NLGN1: variants seen among roughly 807,000 people sequenced by gnomAD.
NLGN1 encodes neuroligin-1.
Under a neutral mutation model 65.5 loss-of-function variants are expected in NLGN1, and 12 were observed. The observed-to-expected ratio is 0.18, with a 90% CI of 0.12 to 0.30. The LOEUF (loss-of-function observed/expected upper bound fraction) is 0.30, where lower values mean the gene tolerates loss of function less well. NLGN1 is among the 10% of genes least tolerant of loss of function. The pLI, the probability that NLGN1 is intolerant of heterozygous loss-of-function variation, is 1.00. For missense variants in NLGN1, 750 were observed against 1,007.1 expected (o/e 0.74, Z 3.46); for synonymous variants, 350 against 359.5 (o/e 0.97, Z 0.30).
At chr3:173,822,346 G>A (rs927560318) in intron 4 of NLGN1, among the ~76,000 whole-genome samples, 3 of 152,098 alleles carry the variant, frequency 2.0e-5, no homozygotes, top group South Asian at 4.1e-4. Flanking sequence ...AGACCCAGCA[G>A]GGGTGATTAA....
intron 4 of NLGN1, among the ~76,000 whole-genome samples, chr3:174,196,092 T>C (rs933987391): frequency 6.6e-6 from 1 of 152,196 alleles, no homozygotes. Context: ...AGACAGAATC[T>C]GGCACACTTT....
chr3:173,408,169 C>T (rs1711672649), intron 1 of NLGN1, among the ~76,000 whole-genome samples: 1 of 152,090 alleles, frequency 6.6e-6, no homozygotes, highest in Admixed American at 6.5e-5. Context: ...AGCACTCTTT[C>T]CATAAGAAAT....
At chr3:173,456,373 G>A (rs560458901) in intron 2 of NLGN1, among the ~76,000 whole-genome samples, 16 of 152,196 alleles carry the variant, frequency 1.1e-4, no homozygotes, top group Non-Finnish European at 2.2e-4. Context: ...TGAGAACATG[G>A]ACTGAGGCTC....
At chr3:173,959,525 A>G (rs561024570) in intron 4 of NLGN1, among the ~76,000 whole-genome samples, 2 of 152,332 alleles carry the variant, frequency 1.3e-5, no homozygotes, top group East Asian at 1.9e-4. Flanking sequence ...TTACTTATCA[A>G]GAGAACCATA....
intron 3 of NLGN1, among the ~76,000 whole-genome samples, chr3:173,778,891 AACTT>A (rs1780712221): frequency 2.0e-5 from 3 of 151,768 alleles, no homozygotes; most frequent in Admixed American, 6.5e-5. Context: ...TCATTTAACT[AACTT>A]ACAGTGGTAA....
rs537415278 is a variant in NLGN1, at chr3:174,234,806, G to C, written c.647-40509G>C. On this transcript the variant is annotated intron_variant, in intron 4 of 6. Coordinates refer to ENST00000457714, the Ensembl canonical transcript of NLGN1. ...TAGTCATTCCACACTAAATCATTCA[G>C]TTATGCTTTTAGCACCAAATTAACG... Among the ~76,000 whole-genome samples, 11 of 152,116 alleles carry C rather than the reference G, an allele frequency of 7.2e-5. No individual in the cohort carries two copies. In the South Asian group the frequency reaches 2.3e-3, roughly 32 times the overall value.
intron 4 of NLGN1, among the ~76,000 whole-genome samples, chr3:174,043,800 A>T (rs1732894690): frequency 6.6e-6 from 1 of 152,188 alleles, no homozygotes; most frequent in Non-Finnish European, 1.5e-5. Flanking sequence ...CTCTTCTCAC[A>T]GCTGCAGTAG....
chr3:173,852,217 G>C (rs540515317), intron 4 of NLGN1, among the ~76,000 whole-genome samples: 27 of 148,862 alleles, frequency 1.8e-4, no homozygotes, highest in East Asian at 8.1e-4. Context: ...TTAGCCGGGC[G>C]TGGTAGCGGG....
At chr3:173,455,985 T>C (rs978785483) in intron 2 of NLGN1, among the ~76,000 whole-genome samples, 8 of 151,998 alleles carry the variant, frequency 5.3e-5, no homozygotes, top group Non-Finnish European at 8.8e-5. Flanking sequence ...AAATTGAACA[T>C]TCCTCCACCT....
intron 2 of NLGN1, among the ~76,000 whole-genome samples, chr3:173,557,906 G>C (rs577685436): frequency 1.3e-5 from 2 of 151,818 alleles, no homozygotes; most frequent in African/African-American, 2.4e-5. Flanking sequence ...GCTTCCTTTG[G>C]CATTTTTCTT....
intron 2 of NLGN1, among the ~76,000 whole-genome samples, chr3:173,543,277 C>T (rs1055374385): frequency 2.0e-5 from 3 of 152,134 alleles, no homozygotes; most frequent in Non-Finnish European, 4.4e-5. Flanking sequence ...ATTAGCATAG[C>T]ACTTAACAGT....
chr3:173,944,124 GGTGTGTGTGTGT>G (rs1553897255), intron 4 of NLGN1, among the ~76,000 whole-genome samples: 32 of 139,512 alleles, frequency 2.3e-4, no homozygotes, highest in Non-Finnish European at 2.8e-4. Context: ...TAATATTATG[GGTGTGTGTGTGT>G]GTGTGTGTGT....
chr3:173,710,607 G>A lies in NLGN1; in HGVS notation c.494-97073G>A, dbSNP rs1182999094. Among the ~76,000 whole-genome samples the A allele has an allele frequency of 2.6e-5, 4 of 152,240 alleles. 1 individual carries two copies. Among genetic ancestry groups the A allele is most frequent in the Middle Eastern group, 3.4e-3 (1 of 294 alleles). On this transcript the variant is annotated intron_variant, in intron 3 of 6. Transcript: ENST00000457714. ...AACCACTGAATGCCCCACAGCACACGAGTGCAATGTCTTTGATAGCATGGG... is the reference window on the plus strand; with the variant it reads ...AACCACTGAATGCCCCACAGCACACAAGTGCAATGTCTTTGATAGCATGGG...
intron 2 of NLGN1, among the ~76,000 whole-genome samples, chr3:173,560,089 G>A (rs753881865): frequency 2.6e-5 from 4 of 151,838 alleles, no homozygotes; most frequent in South Asian, 4.2e-4. Context: ...GACTACAGGC[G>A]CCTGCCACCA....
chr3:173,674,242 G>T (rs1560145595), intron 3 of NLGN1, among the ~76,000 whole-genome samples: 2 of 152,130 alleles, frequency 1.3e-5, no homozygotes, highest in Admixed American at 1.3e-4. Context: ...TGTAAAACAT[G>T]AAAGTAAATA....
intron 4 of NLGN1, among the ~76,000 whole-genome samples, chr3:174,170,915 A>T (rs934478469): frequency 6.6e-6 from 1 of 152,208 alleles, no homozygotes; most frequent in African/African-American, 2.4e-5. Flanking sequence ...TAACAGAATT[A>T]TCGCTGAACT....
intron 4 of NLGN1, among the ~76,000 whole-genome samples, chr3:174,028,797 A>G (rs980269696): frequency 2.0e-5 from 3 of 152,204 alleles, no homozygotes; most frequent in Non-Finnish European, 4.4e-5. Flanking sequence ...AATGTCTCCA[A>G]GGGCATGTCA....
At chr3:174,056,712 A>G (rs1245316266) in intron 4 of NLGN1, among the ~76,000 whole-genome samples, 1 of 152,022 alleles carries the variant, frequency 6.6e-6, no homozygotes, top group African/African-American at 2.4e-5. Context: ...TATGCCATTT[A>G]CAAATACGTT....
At chr3:173,938,331 G>C (rs1422151776) in intron 4 of NLGN1, among the ~76,000 whole-genome samples, 1 of 152,130 alleles carries the variant, frequency 6.6e-6, no homozygotes. Context: ...GTAAGAGCCA[G>C]AGCATGACTC....
Sources: gnomAD v4.1 joint callset for allele counts (sites outside exome capture counted in the v4.1 genomes callset) on GRCh38, gnomAD v4.1.1 for gene constraint, MANE v1.5 for transcripts, NCBI Gene and HGNC (gene_info 2026-07-23, HGNC 2026-07-21) for gene names.